Variants in PLA2G10 observed in about 807,000 individuals in gnomAD.
PLA2G10 encodes phospholipase A2 group X.
Under a neutral mutation model 7.9 loss-of-function variants are expected in PLA2G10, and 9 were observed. That is an observed-to-expected ratio of 1.14 (90% CI 0.68 to 1.98). The LOEUF is 1.98. PLA2G10 is among the 30% of genes most tolerant of loss of function. The pLI, the probability that PLA2G10 is intolerant of heterozygous loss-of-function variation, is 0.00. For synonymous variants in PLA2G10, 19 were observed against 27.5 expected, an observed-to-expected ratio of 0.69 and a Z score of 0.97; for missense variants, 53 against 65.4, an observed-to-expected ratio of 0.81 and a Z score of 0.66.
chr16:14,674,333 G>T (rs995023662), intron 3 of PLA2G10, among the ~76,000 whole-genome samples: 6 of 152,156 alleles, frequency 3.9e-5, no homozygotes, highest in African/African-American at 1.4e-4. Context: ...CAGATTCAAT[G>T]CAATTCCTAT....
chr16:14,678,692 C>A, intron 3 of PLA2G10: 1 of 398,846 alleles, frequency 2.5e-6, no homozygotes, highest in Non-Finnish European at 5.0e-6. Flanking sequence ...ATCGCTTGAG[C>A]CCAAAAGGCA....
chr16:14,678,180 G>A (rs561182227), intron 3 of PLA2G10, among the ~76,000 whole-genome samples: 1 of 152,250 alleles, frequency 6.6e-6, no homozygotes, highest in East Asian at 1.9e-4. Context: ...GGCATACAGG[G>A]CTGGCTGAAG....
At chr16:14,679,778 G>A (rs1216885955) in intron 3 of PLA2G10, among the ~76,000 whole-genome samples, 1 of 151,992 alleles carries the variant, frequency 6.6e-6, no homozygotes, top group Non-Finnish European at 1.5e-5. Context: ...TTAATCTCAG[G>A]ATTTTGAGGC....
At chr16:14,687,767 C>T (rs970194392) in intron 3 of PLA2G10, among the ~76,000 whole-genome samples, 2 of 151,714 alleles carry the variant, frequency 1.3e-5, no homozygotes, top group African/African-American at 4.8e-5. Context: ...GAGGCCGAGG[C>T]GGGCAGAGCA....
chr16:14,676,233 C>G (rs1212125855), intron 3 of PLA2G10, among the ~76,000 whole-genome samples: 1 of 152,212 alleles, frequency 6.6e-6, no homozygotes, highest in African/African-American at 2.4e-5. Context: ...AGTAAATCTA[C>G]TATTCTTTCT....
chr16:14,676,733 C>A (rs924283619), intron 3 of PLA2G10, among the ~76,000 whole-genome samples: 1 of 152,144 alleles, frequency 6.6e-6, no homozygotes, highest in African/African-American at 2.4e-5. Flanking sequence ...TACTACTTAG[C>A]CATAAAAAAG....
chr16:14,683,371 T>C (rs914425506), intron 3 of PLA2G10, among the ~76,000 whole-genome samples: 4 of 151,806 alleles, frequency 2.6e-5, no homozygotes, highest in African/African-American at 9.7e-5. Context: ...TAGCTGGGAC[T>C]ACAGGAGCAT....
At chr16:14,680,676 A>T (rs1032025275) in intron 3 of PLA2G10, among the ~76,000 whole-genome samples, 4 of 152,110 alleles carry the variant, frequency 2.6e-5, no homozygotes, top group African/African-American at 9.7e-5. Flanking sequence ...ATATTTTCAA[A>T]GTTCATCCAT....
At chr16:14,682,196 C>A (rs1448252842) in intron 3 of PLA2G10, among the ~76,000 whole-genome samples, 2 of 152,022 alleles carry the variant, frequency 1.3e-5, no homozygotes, top group Non-Finnish European at 2.9e-5. Flanking sequence ...ATGTTCAGGC[C>A]TAAAAATTGA....
chr16:14,685,199 C>A (rs1961018488), intron 3 of PLA2G10, among the ~76,000 whole-genome samples: 1 of 151,912 alleles, frequency 6.6e-6, no homozygotes, highest in South Asian at 2.1e-4. Context: ...TGGTAAAACT[C>A]CATCTCTGCT....
intron 3 of PLA2G10, among the ~76,000 whole-genome samples, chr16:14,687,144 C>CA (rs1171883523): frequency 2.0e-5 from 3 of 150,728 alleles, no homozygotes; most frequent in Non-Finnish European, 4.4e-5. Context: ...AACAAACAAA[C>CA]AAAAAAACCC....
chr16:14,687,618 A>G (rs544996839), intron 3 of PLA2G10, among the ~76,000 whole-genome samples: 1 of 151,986 alleles, frequency 6.6e-6, no homozygotes, highest in Non-Finnish European at 1.5e-5. Context: ...ATCTGATGCC[A>G]TTTCTATCTT....
intron 3 of PLA2G10, among the ~76,000 whole-genome samples, chr16:14,682,804 C>T (rs1410644422): frequency 6.6e-6 from 1 of 152,088 alleles, no homozygotes; most frequent in Non-Finnish European, 1.5e-5. Flanking sequence ...CATGGTGGCT[C>T]ATACCTGTAA....
At chr16:14,679,466 C>T (rs950833915) in intron 3 of PLA2G10, among the ~76,000 whole-genome samples, 1 of 151,972 alleles carries the variant, frequency 6.6e-6, no homozygotes, top group Admixed American at 6.6e-5. Flanking sequence ...TCAAGAACAG[C>T]CTGGCCAACA....
intron 3 of PLA2G10, among the ~76,000 whole-genome samples, chr16:14,679,405 T>C (rs868546349): frequency 2.1e-4 from 32 of 151,958 alleles, no homozygotes; most frequent in African/African-American, 7.5e-4. Flanking sequence ...CTCGTGCCTG[T>C]AATCTCGGCA....
chr16:14,675,171 CAA>C (rs1166594325), intron 3 of PLA2G10, among the ~76,000 whole-genome samples: 6 of 66,914 alleles, frequency 9.0e-5, no homozygotes, highest in Non-Finnish European at 9.2e-5. Flanking sequence ...AACTCCATCT[CAA>C]AAAAAAAAAA....
intron 3 of PLA2G10, among the ~76,000 whole-genome samples, chr16:14,677,579 A>C (rs560733212): frequency 1.7e-4 from 26 of 152,196 alleles, no homozygotes; most frequent in African/African-American, 6.3e-4. Context: ...GTTGGCCAGG[A>C]TGCTCTCAAT....
chr16:14,673,599 G>A (rs1049718184), intron 3 of PLA2G10, among the ~76,000 whole-genome samples: 9 of 151,604 alleles, frequency 5.9e-5, no homozygotes, highest in African/African-American at 2.2e-4. Flanking sequence ...GAACTCCTGA[G>A]CTCAAGTGAT....
chr16:14,676,896 A>C (rs1226733820), intron 3 of PLA2G10, among the ~76,000 whole-genome samples: 2 of 152,162 alleles, frequency 1.3e-5, no homozygotes, highest in Non-Finnish European at 2.9e-5. Flanking sequence ...GTATGTTCTC[A>C]CTTATAAGTG....
Sources: allele counts gnomAD v4.1 joint callset (sites outside exome capture counted in the v4.1 genomes callset), GRCh38; gene constraint gnomAD v4.1.1; transcripts MANE v1.5; gene names NCBI Gene and HGNC (gene_info 2026-07-23, HGNC 2026-07-21).